GTF2H2C: variants seen among roughly 807,000 people sequenced by gnomAD.
The protein encoded by GTF2H2C is general transcription factor IIH subunit 2-like protein.
Under a neutral mutation model 24.8 loss-of-function variants are expected in GTF2H2C, and 5 were observed. The ratio of observed to expected loss-of-function variants is 0.20; its 90% CI spans 0.11 to 0.42. GTF2H2C has a LOEUF of 0.42. Ranked by LOEUF, GTF2H2C falls within the 20% of genes least tolerant of loss-of-function variation. GTF2H2C has a pLI of 1.00. For missense variants in GTF2H2C, 45 were observed against 169.8 expected, an observed-to-expected ratio of 0.27 and a Z score of 4.08; for synonymous variants, 14 against 52.6, an observed-to-expected ratio of 0.27 and a Z score of 3.18.
At chr5:69,589,804 T>A in intron 15 of GTF2H2C, among the ~76,000 whole-genome samples, 1 of 93,740 alleles carries the variant, frequency 1.1e-5, no homozygotes, top group Non-Finnish European at 2.1e-5. Context: ...TTAATGAAAA[T>A]AAAAACTAAA....
At chr5:69,568,271 C>T (rs1242413834) in intron 8 of GTF2H2C, 64 bp downstream of exon 8, 1 of 278,652 alleles carries the variant, frequency 3.6e-6, no homozygotes, top group Admixed American at 6.1e-5. Flanking sequence ...CCTCGTAGCC[C>T]TGTTTATATG....
At chr5:69,560,643 G>A (rs1425879965) in intron 1 of GTF2H2C, 1 of 148,906 alleles carries the variant, frequency 6.7e-6, no homozygotes, top group Non-Finnish European at 1.5e-5. Context: ...GATGTTTGGT[G>A]CTCTCATTTG....
At chr5:69,573,313 T>A (rs1771191662) in intron 9 of GTF2H2C, among the ~76,000 whole-genome samples, 1 of 107,126 alleles carries the variant, frequency 9.3e-6, no homozygotes, top group African/African-American at 3.5e-5. Context: ...GCCTCCCTAG[T>A]GCTGGGATTA....
intron 2 of GTF2H2C, among the ~76,000 whole-genome samples, chr5:69,563,280 C>T (rs1412439970): frequency 6.9e-6 from 1 of 144,612 alleles, no homozygotes; most frequent in Admixed American, 6.9e-5. Context: ...AGTGGTGTGA[C>T]CTTGGCTCAT....
At position 69,593,662 on chromosome 5, in the gene GTF2H2C, C is replaced by T. The variant is rs1772054129; in HGVS notation, c.*1464C>T. 7.6e-5 allele frequency: 1 copy of T among 13,076 alleles called. No individual in the cohort carries two copies. Among genetic ancestry groups the T allele is most frequent in the Admixed American group, 7.6e-4 (1 of 1,316 alleles). The allele number at this position is 13,076 out of a possible 1,614,324, so 0.8% of individuals were successfully genotyped here. ...AGAGTAAATCAGGCTTTCAGCCGGG[C>T]GCGGTGGCTCACGCCTGTAATCCTA... is the stretch of plus-strand genomic sequence containing the variant. On this transcript the variant is annotated 3_prime_UTR_variant, in exon 17 of 17. Coordinates refer to ENST00000380729, the MANE Select transcript of GTF2H2C (RefSeq NM_001376000.2).
At chr5:69,567,899 T>C in intron 7 of GTF2H2C, 122 bp downstream of exon 7, 1 of 279,626 alleles carries the variant, frequency 3.6e-6, no homozygotes, top group Non-Finnish European at 5.7e-6. Flanking sequence ...GTTTCTGGTA[T>C]ACTTAAAAAT....
intron 15 of GTF2H2C, among the ~76,000 whole-genome samples, 196 bp from the exon 16 acceptor site, chr5:69,590,132 G>A (rs1455522358): frequency 4.7e-5 from 7 of 149,186 alleles, no homozygotes; most frequent in Non-Finnish European, 7.4e-5. Flanking sequence ...TGATCCACCC[G>A]CCTCGGCCTC....
At chr5:69,563,561 C>T (rs1358206204) in intron 2 of GTF2H2C, among the ~76,000 whole-genome samples, 1 of 152,038 alleles carries the variant, frequency 6.6e-6, no homozygotes, top group Non-Finnish European at 1.5e-5. Flanking sequence ...TTTATTTTCA[C>T]AGAGTACGTG....
chr5:69,565,868 T>G (rs1770720615), intron 3 of GTF2H2C: 2 of 507,132 alleles, frequency 3.9e-6, no homozygotes. Flanking sequence ...CACTTATTTT[T>G]AAGACTCATC....
intron 6 of GTF2H2C, 72 bp from the exon 7 acceptor site, chr5:69,567,655 A>AAC: frequency 6.5e-7 from 1 of 1,548,684 alleles, no homozygotes; most frequent in Non-Finnish European, 8.7e-7. Flanking sequence ...AGGTTTCACA[A>AAC]ACATCAGTTG....
intron 9 of GTF2H2C, chr5:69,577,666 G>GGC (rs1372784501): frequency 1.1e-5 from 1 of 89,526 alleles, no homozygotes; most frequent in East Asian, 2.7e-4. Context: ...TGGGAATACA[G>GGC]GCGTGAGTCA....
chr5:69,574,277 AACTG>A (rs1410799154), intron 9 of GTF2H2C, among the ~76,000 whole-genome samples: 4 of 99,802 alleles, frequency 4.0e-5, no homozygotes, highest in Non-Finnish European at 8.1e-5. Context: ...TTTTTTTACA[AACTG>A]ACAGTTTATG....
intron 4 of GTF2H2C, 166 bp from the exon 5 acceptor site, chr5:69,566,423 A>G (rs1770764275): frequency 4.6e-6 from 6 of 1,301,740 alleles, no homozygotes; most frequent in Non-Finnish European, 6.3e-6. Context: ...TGTGTATTGT[A>G]TTCCATAAGT....
At chr5:69,561,034 G>A (rs1419328540) in intron 1 of GTF2H2C, among the ~76,000 whole-genome samples, 1 of 152,064 alleles carries the variant, frequency 6.6e-6, no homozygotes. Context: ...GGGATTACAG[G>A]TGTGAGCCAC....
In GTF2H2C at chr5:69,560,202, T is replaced by G. The variant is rs1201389348; in HGVS notation, c.-333T>G. On this transcript the variant is annotated 5_prime_UTR_variant, in exon 1 of 17. Coordinates refer to ENST00000380729, the MANE Select transcript of GTF2H2C (RefSeq NM_001376000.2). The stretch of plus-strand genomic sequence containing the variant: ...GCCCCTAAAGCGGCGGAGAGGAGTG[T>G]CGGGCTGAGTTTCCGGCTGAGAGTC... 1.3e-5 allele frequency: 2 copies of G among 152,226 alleles called. No homozygotes were observed. Among genetic ancestry groups the G allele is most frequent in the Admixed American group, 1.3e-4 (2 of 15,268 alleles). 9.4% of individuals were successfully genotyped at this position (152,226 alleles called of 1,614,324 possible). A position where few individuals can be genotyped will look rare whatever the true frequency, so the allele number is the denominator to read the frequency against.
intron 7 of GTF2H2C, 140 bp downstream of exon 7, chr5:69,567,917 G>GT: frequency 3.9e-6 from 1 of 258,028 alleles, no homozygotes; most frequent in Non-Finnish European, 6.3e-6. Flanking sequence ...AATGAAAAGC[G>GT]TAATAACTCT....
At chr5:69,561,023 TG>T (rs1367150031) in intron 1 of GTF2H2C, among the ~76,000 whole-genome samples, 2 of 152,080 alleles carry the variant, frequency 1.3e-5, no homozygotes, top group Non-Finnish European at 2.9e-5. Context: ...CCCACAGTGC[TG>T]GGATTACAGG....
intron 9 of GTF2H2C, among the ~76,000 whole-genome samples, chr5:69,573,147 C>CAT (rs1268151510): frequency 1.7e-5 from 2 of 116,588 alleles, no homozygotes; most frequent in African/African-American, 3.7e-5. Flanking sequence ...ATTATATATA[C>CAT]ACACACACAC....
At chr5:69,591,623 C>A (rs1267549963) in intron 16 of GTF2H2C, among the ~76,000 whole-genome samples, 1 of 149,000 alleles carries the variant, frequency 6.7e-6, no homozygotes, top group Non-Finnish European at 1.5e-5. Context: ...TTATCTGTGT[C>A]ATTTGACATA....
Sources: gnomAD v4.1 joint callset for allele counts (sites outside exome capture counted in the v4.1 genomes callset) on GRCh38, gnomAD v4.1.1 for gene constraint, MANE v1.5 for transcripts, NCBI Gene and HGNC (gene_info 2026-07-23, HGNC 2026-07-21) for gene names.